The following TRIO variants were observed in gnomAD, a reference collection of about 807,000 sequenced individuals.
TRIO encodes trio Rho guanine nucleotide exchange factor.
Under a neutral mutation model 351.9 loss-of-function variants are expected in TRIO, and 58 were observed. The ratio of observed to expected loss-of-function variants is 0.16; its 90% CI spans 0.13 to 0.21. The LOEUF (loss-of-function observed/expected upper bound fraction) is 0.21, where lower values mean the gene tolerates loss of function less well. TRIO is among the 10% of genes least tolerant of loss of function. The probability of loss-of-function intolerance (pLI) is 1.00; values close to 1 mark genes in which losing one functional copy is unlikely to be tolerated. For synonymous variants in TRIO, 1,758 were observed against 1,595.7 expected (o/e 1.10, Z -2.42); for missense variants, 3,201 against 4,027.8 (o/e 0.79, Z 5.56).
intron 1 of TRIO, among the ~76,000 whole-genome samples, chr5:14,160,273 C>T (rs1337714993): frequency 6.6e-6 from 1 of 152,186 alleles, no homozygotes; most frequent in Non-Finnish European, 1.5e-5. Context: ...ACAAGAGTCT[C>T]TTAGTGCAGT....
intron 1 of TRIO, among the ~76,000 whole-genome samples, chr5:14,227,985 A>G (rs775587383): frequency 4.6e-5 from 7 of 152,146 alleles, no homozygotes; most frequent in African/African-American, 1.2e-4. Flanking sequence ...TATTCCATTA[A>G]TAGATGCCTA....
intron 55 of TRIO, among the ~76,000 whole-genome samples, chr5:14,506,094 A>C (rs1205764827): frequency 6.6e-6 from 1 of 152,146 alleles, no homozygotes; most frequent in African/African-American, 2.4e-5. Flanking sequence ...AGGACCCGGG[A>C]GGTCTCCTTT....
intron 34 of TRIO, among the ~76,000 whole-genome samples, chr5:14,446,145 C>T (rs1472752199): frequency 6.6e-6 from 1 of 152,198 alleles, no homozygotes; most frequent in Non-Finnish European, 1.5e-5. Flanking sequence ...GCCCTCCCTC[C>T]CTCCCTCGCT....
rs55752583 is a variant in TRIO at position 14,498,561 on chromosome 5, G to A, written c.8253G>A (p.Thr2751=). 3.5e-5 allele frequency: 56 copies of A among 1,614,142 alleles called. No individual in the cohort carries two copies. The highest frequency in any genetic ancestry group is 3.3e-4 in the East Asian group (15 of 44,872). ...EATLKIVGVT[T]EDDGIYTCIA... ...CGCTGAAGATTGTGGGCGTGACCAC[G>A]GAAGATGACGGCATCTACACGTGCA... Residue 2751 remains threonine, a synonymous_variant, in exon 53 of 57, where the codon ACG becomes ACA. Coordinates refer to ENST00000344204, the MANE Select transcript of TRIO (RefSeq NM_007118.4).
chr5:14,401,478 T>G (rs1388440974), intron 31 of TRIO, among the ~76,000 whole-genome samples: 1 of 152,164 alleles, frequency 6.6e-6, no homozygotes, highest in Non-Finnish European at 1.5e-5. Flanking sequence ...CGACAGGAAG[T>G]CGAGGCCAAC....
chr5:14,362,397 G>A (rs140716267), intron 13 of TRIO, among the ~76,000 whole-genome samples: 4 of 152,256 alleles, frequency 2.6e-5, no homozygotes, highest in African/African-American at 7.2e-5. Context: ...CAGCGTGTTC[G>A]GATTGATGTG....
Position 14,394,585 on chromosome 5 carries a change from C to T in TRIO, c.4311+455C>T, listed in dbSNP as rs188140734. 4.3e-4 allele frequency among the ~76,000 whole-genome samples: 66 copies of T among 152,258 alleles called. 1 individual carries two copies. The East Asian group carries it at 0.011, about 25-fold the overall frequency. ...GCTCAGAACACAGATCTGGCTGATG[C>T]CCAGGGCTTCCACTGAAGCCACGGA... On this transcript the variant is annotated intron_variant, in intron 28 of 56. Transcript: ENST00000344204.
chr5:14,491,952 C>T (rs1471834667), intron 48 of TRIO, among the ~76,000 whole-genome samples: 1 of 152,184 alleles, frequency 6.6e-6, no homozygotes, highest in Admixed American at 6.5e-5. Context: ...GAGACAGAGT[C>T]GCTCTCCGTA....
intron 40 of TRIO, among the ~76,000 whole-genome samples, chr5:14,475,705 T>C (rs1233073923): frequency 6.6e-6 from 1 of 152,234 alleles, no homozygotes; most frequent in Non-Finnish European, 1.5e-5. Context: ...CAAAAAGGGA[T>C]ATTTTGTATT....
At chr5:14,144,877 C>T (rs925384404) in intron 1 of TRIO, among the ~76,000 whole-genome samples, 1 of 151,934 alleles carries the variant, frequency 6.6e-6, no homozygotes, top group Non-Finnish European at 1.5e-5. Context: ...GCTCGCGCGT[C>T]GGCTGAGCAG....
intron 34 of TRIO, among the ~76,000 whole-genome samples, chr5:14,423,343 C>A (rs1023773559): frequency 2.0e-5 from 3 of 152,200 alleles, no homozygotes; most frequent in African/African-American, 7.2e-5. Context: ...TACGTGGGCT[C>A]ACTGTTGAAA....
At chr5:14,370,180 A>G (rs933931826) in intron 18 of TRIO, among the ~76,000 whole-genome samples, 3 of 150,668 alleles carry the variant, frequency 2.0e-5, no homozygotes, top group African/African-American at 7.4e-5. Flanking sequence ...GCTGGAGTGC[A>G]GTAGTGCAGT....
At chr5:14,419,389 A>G (rs771740120) in intron 33 of TRIO, among the ~76,000 whole-genome samples, 3 of 152,188 alleles carry the variant, frequency 2.0e-5, no homozygotes, top group Non-Finnish European at 4.4e-5. Flanking sequence ...TAAAGAGCCC[A>G]CATATTCCAA....
intron 1 of TRIO, among the ~76,000 whole-genome samples, chr5:14,146,218 C>T (rs1330223138): frequency 6.6e-6 from 1 of 152,036 alleles, no homozygotes; most frequent in Non-Finnish European, 1.5e-5. Flanking sequence ...CAGGGCTGAC[C>T]GGGCAAGGAA....
chr5:14,352,288 C>G (rs762447462), intron 11 of TRIO, among the ~76,000 whole-genome samples: 2 of 152,240 alleles, frequency 1.3e-5, no homozygotes, highest in Non-Finnish European at 2.9e-5. Context: ...GCAGCCTTGC[C>G]TAACCCTGTG....
intron 1 of TRIO, among the ~76,000 whole-genome samples, chr5:14,249,159 A>T (rs1794604625): frequency 6.6e-6 from 1 of 152,242 alleles, no homozygotes; most frequent in African/African-American, 2.4e-5. Flanking sequence ...CCTATGAAGG[A>T]AAACAGTGGA....
chr5:14,447,460 G>A (rs1169176880), intron 34 of TRIO, among the ~76,000 whole-genome samples: 3 of 152,126 alleles, frequency 2.0e-5, no homozygotes, highest in Non-Finnish European at 2.9e-5. Context: ...AATAATAAAT[G>A]TATACATGAA....
chr5:14,438,795 C>G (rs73749246), intron 34 of TRIO, among the ~76,000 whole-genome samples: 45 of 152,370 alleles, frequency 3.0e-4, no homozygotes, highest in African/African-American at 1.1e-3. Flanking sequence ...GCTGGTTCCG[C>G]GTTTCTGTCT....
At chr5:14,258,592 AC>A (rs1795160467) in intron 1 of TRIO, among the ~76,000 whole-genome samples, 1 of 152,108 alleles carries the variant, frequency 6.6e-6, no homozygotes. Context: ...TTAGGATCTT[AC>A]CCCACTCAGA....
Sources: gnomAD v4.1 joint callset for allele counts (sites outside exome capture counted in the v4.1 genomes callset) on GRCh38, gnomAD v4.1.1 for gene constraint, MANE v1.5 for transcripts, NCBI Gene and HGNC (gene_info 2026-07-23, HGNC 2026-07-21) for gene names.